Variants in LBP observed in about 807,000 individuals in gnomAD.
LBP encodes the protein lipopolysaccharide binding protein.
LBP carries 53 observed loss-of-function variants against 56.6 expected under a neutral mutation model. That is an observed-to-expected ratio of 0.94 (90% CI 0.75 to 1.18). The LOEUF is 1.18. Among genes scored for constraint, LBP ranks in the 50% most tolerant of loss-of-function variants. The pLI is 0.00. For synonymous variants in LBP, 227 were observed against 247.5 expected (o/e 0.92, Z 0.78); for missense variants, 601 against 598.3 (o/e 1.00, Z -0.05).
rs2076812548 is a variant in LBP, at chr20:38,349,454, C to T, written c.125-94C>T. 3.5e-6 allele frequency: 3 copies of T among 850,334 alleles called. No homozygotes were observed. In the African/African-American group the frequency reaches 5.0e-5, roughly 14 times the overall value. The allele number at this position is 850,334 out of a possible 1,614,324, so 52.7% of individuals were successfully genotyped here. ...CTTAATGCTAATAAGGATGTTGGCC[C>T]CTCTCTTGAGGACAGGTGGGAGCCA... On this transcript the variant is annotated intron_variant, in intron 1 of 14. Coordinates refer to ENST00000217407, the MANE Select transcript of LBP (RefSeq NM_004139.5).
intron 6 of LBP, 110 bp downstream of exon 6, chr20:38,360,877 T>G (rs1461884850): frequency 2.4e-6 from 2 of 822,732 alleles, no homozygotes; most frequent in Non-Finnish European, 3.8e-6. Flanking sequence ...AAGTAAAAAT[T>G]AAGGGCCAGG....
chr20:38,369,891 A>C (rs539203234), intron 10 of LBP, among the ~76,000 whole-genome samples: 48 of 152,276 alleles, frequency 3.2e-4, no homozygotes, highest in African/African-American at 1.1e-3. Context: ...TCTGTCTAAT[A>C]GGGAAGGGAT....
chr20:38,373,601 G>C (rs1296401355), intron 13 of LBP, among the ~76,000 whole-genome samples: 1 of 152,238 alleles, frequency 6.6e-6, no homozygotes, highest in Non-Finnish European at 1.5e-5. Flanking sequence ...GCAAAGGGCA[G>C]GGAGTGGAAC....
At chr20:38,366,857 G>T (rs984876027) in intron 9 of LBP, 29 bp downstream of exon 9, 1 of 1,594,754 alleles carries the variant, frequency 6.3e-7, no homozygotes, top group East Asian at 2.2e-5. Context: ...CCCCATGAGT[G>T]CAGACCGAGC....
chr20:38,356,420 GCACACACACACACACA>G (rs34125610), intron 5 of LBP, among the ~76,000 whole-genome samples: 19 of 124,822 alleles, frequency 1.5e-4, no homozygotes, highest in Non-Finnish European at 2.6e-4. Context: ...ACACACACGC[GCACACACACACACACA>G]CACACACACA....
At chr20:38,369,696 C>T (rs1321434014) in intron 10 of LBP, among the ~76,000 whole-genome samples, 6 of 152,168 alleles carry the variant, frequency 3.9e-5, no homozygotes, top group Non-Finnish European at 2.9e-5. Context: ...TTCCATAATT[C>T]CACCTCCACT....
chr20:38,360,996 C>A (rs1490500091), intron 6 of LBP, among the ~76,000 whole-genome samples: 1 of 151,988 alleles, frequency 6.6e-6, no homozygotes, highest in Admixed American at 6.6e-5. Context: ...AACCCTGTCT[C>A]TACTAAAAAT....
intron 4 of LBP, 43 bp from the exon 5 acceptor site, chr20:38,355,303 G>A (rs765480512): frequency 2.1e-5 from 34 of 1,595,356 alleles, no homozygotes; most frequent in African/African-American, 6.7e-5. Context: ...CCAGGCACCC[G>A]GCCATCCCCA....
At chr20:38,368,780 C>T (rs1051057174) in intron 9 of LBP, among the ~76,000 whole-genome samples, 5 of 152,078 alleles carry the variant, frequency 3.3e-5, no homozygotes, top group African/African-American at 4.8e-5. Flanking sequence ...CCATACATAA[C>T]GAAATACAAC....
intron 4 of LBP, among the ~76,000 whole-genome samples, chr20:38,354,927 C>T (rs554483061): frequency 2.0e-5 from 3 of 152,078 alleles, no homozygotes; most frequent in African/African-American, 7.2e-5. Context: ...CAAAAAAATA[C>T]AAAAATTAGC....
intron 3 of LBP, among the ~76,000 whole-genome samples, chr20:38,352,953 A>T (rs1461336880): frequency 6.6e-6 from 1 of 152,142 alleles, no homozygotes; most frequent in Non-Finnish European, 1.5e-5. Flanking sequence ...TGGAAAATTT[A>T]AAATTACATG....
intron 6 of LBP, among the ~76,000 whole-genome samples, chr20:38,361,763 A>G (rs1174358369): frequency 6.6e-6 from 1 of 152,062 alleles, no homozygotes; most frequent in African/African-American, 2.4e-5. Flanking sequence ...TGCTCAAATC[A>G]TAAGTGTGCT....
chr20:38,357,098 G>A (rs140501730), intron 5 of LBP, among the ~76,000 whole-genome samples: 6,860 of 152,228 alleles, frequency 0.045, 473 homozygotes, highest in African/African-American at 0.16. Context: ...CTCATGATCT[G>A]CTCACCTCAG....
chr20:38,366,854 A>T lies in LBP; in HGVS notation c.981+26A>T, dbSNP rs2232611. 1,523 of 1,602,346 alleles carry T rather than the reference A, an allele frequency of 9.5e-4. 16 individuals are homozygous for T. The African/African-American group carries it at 0.019, about 19-fold the overall frequency. On this transcript the variant is annotated intron_variant, in intron 9 of 14. Coordinates refer to ENST00000217407, the MANE Select transcript of LBP (RefSeq NM_004139.5). ...GTAAGGAGTCCCTTAGTTCCCCATG[A>T]GTGCAGACCGAGCCTACTAGACTCC... is the stretch of plus-strand genomic sequence containing the variant.
chr20:38,347,667 T>C (rs1301483131), intron 1 of LBP, among the ~76,000 whole-genome samples: 1 of 152,176 alleles, frequency 6.6e-6, no homozygotes, highest in Admixed American at 6.5e-5. Context: ...ACCACAGTGA[T>C]TGATTGAGGG....
rs113207369 is a variant in LBP at position 38,370,887 on chromosome 20, A to AG, written c.1217+89dup. On this transcript the variant is annotated intron_variant, in intron 11 of 14. Coordinates refer to ENST00000217407, the MANE Select transcript of LBP (RefSeq NM_004139.5). ...TAGCTGCTTCTCTGTAGCTGGTGGG[A>AG]GGGGGGGCCACCATTTGGAAAGGAC... 416 of 1,143,834 alleles carry AG rather than the reference A, an allele frequency of 3.6e-4. No individual in the cohort carries two copies. The African/African-American group carries it at 4.9e-3, about 14-fold the overall frequency. The allele number at this position is 1,143,834 out of a possible 1,614,324, so 70.9% of individuals were successfully genotyped here. A position where few individuals can be genotyped will look rare whatever the true frequency, so the allele number is the denominator to read the frequency against.
At chr20:38,351,197 T>C (rs901304987) in intron 3 of LBP, among the ~76,000 whole-genome samples, 7 of 152,174 alleles carry the variant, frequency 4.6e-5, no homozygotes, top group Non-Finnish European at 7.4e-5. Flanking sequence ...TGCGGTAATA[T>C]CATGTCTCCT....
intron 1 of LBP, among the ~76,000 whole-genome samples, chr20:38,347,624 A>C (rs6099228): frequency 0.076 from 11,528 of 152,226 alleles, 1,080 homozygotes; most frequent in African/African-American, 0.22. Context: ...CCTCCCGACT[A>C]TCCAGGTGGC....
intron 7 of LBP, among the ~76,000 whole-genome samples, chr20:38,364,270 A>T (rs1312432261): frequency 6.6e-6 from 1 of 152,084 alleles, no homozygotes; most frequent in Non-Finnish European, 1.5e-5. Flanking sequence ...TCAGGTCTTA[A>T]CGCTTCCCTC....
Sources: gnomAD v4.1 joint callset for allele counts (sites outside exome capture counted in the v4.1 genomes callset) on GRCh38, gnomAD v4.1.1 for gene constraint, MANE v1.5 for transcripts, NCBI Gene and HGNC (gene_info 2026-07-23, HGNC 2026-07-21) for gene names.